OTULINL: variants seen among roughly 807,000 people sequenced by gnomAD.
OTULINL encodes the protein OTU deubiquitinase with linear linkage specificity like.
OTULINL carries 42 observed loss-of-function variants against 43.9 expected under a neutral mutation model. The observed-to-expected ratio is 0.96, with a 90% confidence interval of 0.75 to 1.24. The LOEUF (loss-of-function observed/expected upper bound fraction) is 1.24. Among genes scored for constraint, OTULINL ranks in the 50% most tolerant of loss-of-function variants. The pLI, the probability that OTULINL is intolerant of heterozygous loss-of-function variation, is 0.00. For missense variants in OTULINL, 411 were observed against 426.4 expected (o/e 0.96, Z 0.32); for synonymous variants, 172 against 153.6 (o/e 1.12, Z -0.88).
At chr5:14,590,010 A>AGTC (rs1215930609) in intron 1 of OTULINL, among the ~76,000 whole-genome samples, 1 of 152,228 alleles carries the variant, frequency 6.6e-6, no homozygotes. Flanking sequence ...TAGAAAAACA[A>AGTC]CAGCTGTGAC....
chr5:14,598,553 T>C (rs1182735849), intron 1 of OTULINL, among the ~76,000 whole-genome samples: 1 of 152,140 alleles, frequency 6.6e-6, no homozygotes, highest in Non-Finnish European at 1.5e-5. Flanking sequence ...ACAGCATTGT[T>C]TGTAAAAGTG....
Position 14,613,337 on chromosome 5 carries a change from G to A in OTULINL, c.*3023G>A, listed in dbSNP as rs1032919416. 1.3e-5 allele frequency among the ~76,000 whole-genome samples: 2 copies of A among 152,036 alleles called. No individual in the cohort carries two copies. Among genetic ancestry groups the A allele is most frequent in the African/African-American group, 2.4e-5 (1 of 41,384 alleles). The stretch of plus-strand genomic sequence containing the variant: ...CCAAGACTGACTTTTTTTCAAAGCA[G>A]GCAACTTTAATTCCCTACCTGGTAT... On this transcript the variant is annotated 3_prime_UTR_variant, in exon 8 of 8. Transcript: ENST00000274217.
At chr5:14,599,215 G>A (rs1368112140) in intron 1 of OTULINL, among the ~76,000 whole-genome samples, 3 of 152,116 alleles carry the variant, frequency 2.0e-5, no homozygotes, top group East Asian at 1.9e-4. Context: ...TTGGCCAGGC[G>A]CCATGGCTCA....
chr5:14,600,910 A>G (rs1364563350), intron 1 of OTULINL, 55 bp from the exon 2 acceptor site: 3 of 1,336,494 alleles, frequency 2.2e-6, no homozygotes, highest in African/African-American at 1.5e-5. Flanking sequence ...CTCTTAAAGC[A>G]AACTTGTGTA....
At chr5:14,588,958 T>C (rs1045305449) in intron 1 of OTULINL, among the ~76,000 whole-genome samples, 6 of 152,194 alleles carry the variant, frequency 3.9e-5, no homozygotes, top group African/African-American at 1.4e-4. Context: ...AAGTCAGGGC[T>C]TAATCTCGAT....
At chr5:14,607,000 G>A (rs943033505) in intron 5 of OTULINL, among the ~76,000 whole-genome samples, 3 of 152,158 alleles carry the variant, frequency 2.0e-5, no homozygotes, top group Admixed American at 6.5e-5. Context: ...AGGCCAAGGC[G>A]GGCAGATTGC....
chr5:14,593,297 A>T (rs942363077), intron 1 of OTULINL, among the ~76,000 whole-genome samples: 2 of 152,142 alleles, frequency 1.3e-5, no homozygotes, highest in Non-Finnish European at 2.9e-5. Context: ...ATGGTGGGAG[A>T]TGGTAGCCAA....
intron 6 of OTULINL, 69 bp from the exon 7 acceptor site, chr5:14,608,679 T>C: frequency 8.2e-7 from 1 of 1,225,756 alleles, no homozygotes; most frequent in Non-Finnish European, 1.1e-6. Context: ...ATAAATACAT[T>C]AAAAGTTATG....
intron 1 of OTULINL, among the ~76,000 whole-genome samples, chr5:14,596,834 C>T (rs371871345): frequency 2.8e-4 from 43 of 152,102 alleles, no homozygotes; most frequent in African/African-American, 1.2e-4. Flanking sequence ...TGGTGGAGGG[C>T]GTCACGTGGT....
At position 14,611,088 on chromosome 5, in the gene OTULINL, T is replaced by C. The variant is rs975395886; in HGVS notation, c.*774T>C. ...ACAAAACTATTAAACTGTGGTACATTTAATGTGTATTTAATGTGTGGAATC... is the reference window on the plus strand; with the variant it reads ...ACAAAACTATTAAACTGTGGTACATCTAATGTGTATTTAATGTGTGGAATC... On this transcript the variant is annotated 3_prime_UTR_variant, in exon 8 of 8. Coordinates refer to ENST00000274217, the MANE Select transcript of OTULINL (RefSeq NM_019018.3). 6.6e-5 allele frequency: 10 copies of C among 152,208 alleles called. No homozygotes were observed. Among genetic ancestry groups the C allele is most frequent in the African/African-American group, 2.4e-4 (10 of 41,450 alleles). 9.4% of individuals were successfully genotyped at this position (152,208 alleles called of 1,614,324 possible).
chr5:14,587,217 C>G (rs1759114890), intron 1 of OTULINL, among the ~76,000 whole-genome samples: 1 of 152,142 alleles, frequency 6.6e-6, no homozygotes, highest in South Asian at 2.1e-4. Context: ...ATTTTTTGAC[C>G]TGTGACGAGA....
Position 14,610,632 on chromosome 5 carries a change from A to C in OTULINL, c.*318A>C, listed in dbSNP as rs1425868590. The stretch of plus-strand genomic sequence containing the variant: ...ATGGACAACAACAGGAAAAAGCAAG[A>C]AGAAAACAAGTAGGGAAAAACAGCT... On this transcript the variant is annotated 3_prime_UTR_variant, in exon 8 of 8. Transcript: ENST00000274217. The C allele has an allele frequency of 3.5e-5, 7 of 197,522 alleles. No homozygotes were observed. The highest frequency in any genetic ancestry group is 1.6e-4 in the African/African-American group (7 of 43,582). The allele number at this position is 197,522 out of a possible 1,614,324, so 12.2% of individuals were successfully genotyped here. A position where few individuals can be genotyped will look rare whatever the true frequency, so the allele number is the denominator to read the frequency against.
At chr5:14,587,043 G>A (rs1012744298) in intron 1 of OTULINL, among the ~76,000 whole-genome samples, 15 of 152,152 alleles carry the variant, frequency 9.9e-5, no homozygotes, top group African/African-American at 2.2e-4. Context: ...TCATCGGAGC[G>A]TGTACTTTGA....
chr5:14,585,797 C>G (rs1759093867), intron 1 of OTULINL, among the ~76,000 whole-genome samples: 1 of 152,244 alleles, frequency 6.6e-6, no homozygotes, highest in African/African-American at 2.4e-5. Flanking sequence ...GCATGGGACT[C>G]CACTCATAAC....
chr5:14,594,105 GT>G (rs3838235), intron 1 of OTULINL, among the ~76,000 whole-genome samples: 1 of 151,880 alleles, frequency 6.6e-6, no homozygotes, highest in Non-Finnish European at 1.5e-5. Flanking sequence ...TTAAGAGGGT[GT>G]TTTTTTTCTG....
In OTULINL at chr5:14,615,352, A is replaced by G. The variant is rs1424495373; in HGVS notation, c.*5038A>G. Among the ~76,000 whole-genome samples the G allele has an allele frequency of 6.6e-6, 1 of 151,982 alleles. No individual in the cohort carries two copies. The highest frequency in any genetic ancestry group is 1.5e-5 in the Non-Finnish European group (1 of 68,018). ...CAGGTCATGGCTTCGTCCGCCTCCCAGCATGTACCTGGACTTCCTTTGGGT... is the reference window on the plus strand; with the variant it reads ...CAGGTCATGGCTTCGTCCGCCTCCCGGCATGTACCTGGACTTCCTTTGGGT... On this transcript the variant is annotated 3_prime_UTR_variant, in exon 8 of 8. Coordinates refer to ENST00000274217, the MANE Select transcript of OTULINL (RefSeq NM_019018.3).
chr5:14,609,621 ATTTTTTTTTTTTTTT>A (rs201855537), intron 7 of OTULINL, among the ~76,000 whole-genome samples: 1 of 102,216 alleles, frequency 9.8e-6, no homozygotes, highest in Non-Finnish European at 2.1e-5. Flanking sequence ...TTTTCCTGTG[ATTTTTTTTTTTTTTT>A]TTTTTTTTTT....
rs1364460496 is a variant in OTULINL at position 14,614,274 on chromosome 5, C to T, written c.*3960C>T. Among the ~76,000 whole-genome samples the T allele has an allele frequency of 6.6e-6, 1 of 152,148 alleles. No homozygotes were observed. The highest frequency in any genetic ancestry group is 6.5e-5 in the Admixed American group (1 of 15,284). On this transcript the variant is annotated 3_prime_UTR_variant, in exon 8 of 8. Coordinates refer to ENST00000274217, the MANE Select transcript of OTULINL (RefSeq NM_019018.3). ...TATAGGGTTGCTTGTCATAGTTGAA[C>T]ATTATTTAATTAACTTATTGACTAT...
At chr5:14,605,836 T>C (rs1321962347) in intron 5 of OTULINL, among the ~76,000 whole-genome samples, 1 of 152,224 alleles carries the variant, frequency 6.6e-6, no homozygotes, top group African/African-American at 2.4e-5. Flanking sequence ...AGCCTGGATT[T>C]CATTATCCAT....
Sources: gnomAD v4.1 joint callset for allele counts (sites outside exome capture counted in the v4.1 genomes callset) on GRCh38, gnomAD v4.1.1 for gene constraint, MANE v1.5 for transcripts, NCBI Gene and HGNC (gene_info 2026-07-23, HGNC 2026-07-21) for gene names.